RTF1: variants seen among roughly 807,000 people sequenced by gnomAD.
RTF1 encodes the protein RTF1 homolog, Paf1/RNA polymerase II complex component, also known as RNA polymerase-associated protein RTF1 homolog.
A neutral mutation model predicts 95.7 loss-of-function variants in RTF1; 10 were observed. The ratio of observed to expected loss-of-function variants is 0.10; its 90% CI spans 0.06 to 0.18. The LOEUF is 0.18. RTF1 is among the 10% of genes least tolerant of loss of function. RTF1 has a pLI of 1.00. For synonymous variants in RTF1, 305 were observed against 311.8 expected (o/e 0.98, Z 0.23); for missense variants, 458 against 875.6 (o/e 0.52, Z 6.02).
intron 2 of RTF1, among the ~76,000 whole-genome samples, chr15:41,447,799 G>T (rs1335885791): frequency 6.6e-6 from 1 of 152,042 alleles, no homozygotes; most frequent in East Asian, 1.9e-4. Context: ...TCTCATTCTT[G>T]GCTTATGTTT....
rs1249099039 is a variant in RTF1, at chr15:41,477,211, A to G, written c.1607A>G (p.Gln536Arg). ...GATCAGGACAAGGCCAAACAAATCC[A>G]AGATCAACTGAATGAGCTGGAGGAA... ...LGDQDKAKQI[Q>R]DQLNELEERA... Residue 536 changes from glutamine to arginine, a missense_variant, in exon 13 of 18, where the codon CAA (glutamine) becomes CGA (arginine). Around this residue, in one of 11 missense-constraint regions of RTF1, gnomAD observed 150 missense variants for 275.7 expected, o/e 0.54. Coordinates refer to ENST00000389629, the MANE Select transcript of RTF1 (RefSeq NM_015138.5). 6.2e-7 allele frequency: 1 copy of G among 1,614,220 alleles called. No individual in the cohort carries two copies. Among genetic ancestry groups the G allele is most frequent in the South Asian group, 1.1e-5 (1 of 91,082 alleles).
chr15:41,424,669 C>A (rs1272106038), intron 1 of RTF1, among the ~76,000 whole-genome samples: 1 of 152,092 alleles, frequency 6.6e-6, no homozygotes, highest in Non-Finnish European at 1.5e-5. Context: ...TAGATGTATA[C>A]TGGGTTGTGA....
At chr15:41,430,130 C>G (rs1408449220) in intron 1 of RTF1, among the ~76,000 whole-genome samples, 1 of 146,770 alleles carries the variant, frequency 6.8e-6, no homozygotes, top group East Asian at 2.0e-4. Context: ...GCCTCAGCTT[C>G]GTGAGTAGCT....
At position 41,482,149 on chromosome 15, in the gene RTF1, GCATA is replaced by G. The variant is rs2050979847; in HGVS notation, c.*1463_*1466del. 6.6e-6 allele frequency: 1 copy of G among 152,504 alleles called. No individual in the cohort carries two copies. The highest frequency in any genetic ancestry group is 2.4e-5 in the African/African-American group (1 of 41,462). The allele number at this position is 152,504 out of a possible 1,614,324, so 9.4% of individuals were successfully genotyped here. On this transcript the variant is annotated 3_prime_UTR_variant, in exon 18 of 18. Coordinates refer to ENST00000389629, the MANE Select transcript of RTF1 (RefSeq NM_015138.5). ...GTGTGTGTATACATATATATGGTCAGCATATATATTGTGCAGCTAGGGCGAAGCC... is the reference window on the plus strand; with the variant it reads ...GTGTGTGTATACATATATATGGTCAGTATATTGTGCAGCTAGGGCGAAGCC...
chr15:41,460,690 A>T (rs181619587), intron 4 of RTF1, among the ~76,000 whole-genome samples: 60 of 151,440 alleles, frequency 4.0e-4, no homozygotes, highest in African/African-American at 1.4e-3. Context: ...GTGACTTCTT[A>T]AAAAAAAATT....
intron 2 of RTF1, among the ~76,000 whole-genome samples, chr15:41,451,439 G>A (rs1377463753): frequency 6.6e-6 from 1 of 152,164 alleles, no homozygotes; most frequent in Non-Finnish European, 1.5e-5. Context: ...TAATTAAAGT[G>A]CTTGATGAAG....
At chr15:41,459,974 C>A (rs932697468) in intron 4 of RTF1, among the ~76,000 whole-genome samples, 40 of 152,218 alleles carry the variant, frequency 2.6e-4, no homozygotes, top group African/African-American at 8.2e-4. Flanking sequence ...GAAGCATTTT[C>A]TTTGGCAGCA....
chr15:41,425,422 G>T (rs188101932), intron 1 of RTF1, among the ~76,000 whole-genome samples: 67 of 152,160 alleles, frequency 4.4e-4, no homozygotes, highest in Non-Finnish European at 8.2e-4. Context: ...TGTATTTTTA[G>T]TAGAGACTTT....
chr15:41,432,981 G>T (rs895573515), intron 1 of RTF1, among the ~76,000 whole-genome samples: 1 of 151,634 alleles, frequency 6.6e-6, no homozygotes, highest in Non-Finnish European at 1.5e-5. Flanking sequence ...GGTCGGCTGC[G>T]GTGGCTCACA....
chr15:41,445,904 T>G (rs899791911), intron 2 of RTF1, among the ~76,000 whole-genome samples: 4 of 151,880 alleles, frequency 2.6e-5, no homozygotes, highest in African/African-American at 9.7e-5. Flanking sequence ...CCCAGCTAAT[T>G]TTTTTGTATT....
intron 5 of RTF1, among the ~76,000 whole-genome samples, chr15:41,465,090 T>G (rs1245050519): frequency 6.6e-6 from 1 of 151,990 alleles, no homozygotes; most frequent in Admixed American, 6.6e-5. Flanking sequence ...TTTGCTTTCC[T>G]TTTTCCTTTT....
At position 41,419,912 on chromosome 15, in the gene RTF1, T is replaced by A. The variant is rs138612939; in HGVS notation, c.198+2599T>A. Reference sequence around the variant, plus strand: ...TCAACTCACTGCAACCTCCGCCCACTGGGTTCAAGCGATTCTCCTGCTTCA... The same window carrying A: ...TCAACTCACTGCAACCTCCGCCCACAGGGTTCAAGCGATTCTCCTGCTTCA... On this transcript the variant is annotated intron_variant, in intron 1 of 17. Transcript: ENST00000389629. Among the ~76,000 whole-genome samples, 203 of 152,238 alleles carry A rather than the reference T, an allele frequency of 1.3e-3. 1 individual carries two copies. The highest frequency in any genetic ancestry group is 6.4e-3 in the South Asian group (31 of 4,818).
rs1349866660 is a variant in RTF1, at chr15:41,431,461, T to C, written c.199-6860T>C. 2.6e-5 allele frequency among the ~76,000 whole-genome samples: 4 copies of C among 151,322 alleles called. No individual in the cohort carries two copies. The East Asian group carries it at 7.8e-4, about 29-fold the overall frequency. On this transcript the variant is annotated intron_variant, in intron 1 of 17. Coordinates refer to ENST00000389629, the MANE Select transcript of RTF1 (RefSeq NM_015138.5). ...CGAACTGCTGACCTCGTGATCCACCTGCCTCGGCCTCCCAAAGTGCTGGGA... is the reference window on the plus strand; with the variant it reads ...CGAACTGCTGACCTCGTGATCCACCCGCCTCGGCCTCCCAAAGTGCTGGGA...
intron 1 of RTF1, among the ~76,000 whole-genome samples, chr15:41,425,953 G>A (rs957296956): frequency 9.2e-5 from 14 of 152,076 alleles, no homozygotes; most frequent in African/African-American, 3.1e-4. Flanking sequence ...GTGACTATGA[G>A]ATGTCTAAGT....
At chr15:41,470,840 A>G (rs2050907749) in intron 7 of RTF1, among the ~76,000 whole-genome samples, 1 of 151,304 alleles carries the variant, frequency 6.6e-6, no homozygotes, top group Admixed American at 6.6e-5. Flanking sequence ...TTGTATTTTT[A>G]ATAGAGACAG....
intron 2 of RTF1, among the ~76,000 whole-genome samples, chr15:41,441,038 C>T (rs943983769): frequency 7.6e-6 from 1 of 132,154 alleles, no homozygotes; most frequent in Non-Finnish European, 1.5e-5. Context: ...GTGGCGTGAT[C>T]TCGGCTTACT....
At chr15:41,447,199 G>C (rs2050768144) in intron 2 of RTF1, among the ~76,000 whole-genome samples, 1 of 152,126 alleles carries the variant, frequency 6.6e-6, no homozygotes, top group African/African-American at 2.4e-5. Context: ...TCTATGCTGG[G>C]TCCTGAGACC....
intron 16 of RTF1, 41 bp downstream of exon 16, chr15:41,479,239 C>A: frequency 7.2e-7 from 1 of 1,389,506 alleles, no homozygotes; most frequent in South Asian, 1.2e-5. Flanking sequence ...AGTGAGGCTG[C>A]TGGCTGAGAT....
Position 41,483,473 on chromosome 15 carries a change from A to G in RTF1, c.*2786A>G, listed in dbSNP as rs933316296. The G allele has an allele frequency of 6.6e-6, 1 of 151,584 alleles. No homozygotes were observed. Among genetic ancestry groups the G allele is most frequent in the African/African-American group, 2.4e-5 (1 of 41,108 alleles). The allele number at this position is 151,584 out of a possible 1,614,324, so 9.4% of individuals were successfully genotyped here. A position where few individuals can be genotyped will look rare whatever the true frequency, so the allele number is the denominator to read the frequency against. On this transcript the variant is annotated 3_prime_UTR_variant, in exon 18 of 18. Coordinates refer to ENST00000389629, the MANE Select transcript of RTF1 (RefSeq NM_015138.5). The stretch of plus-strand genomic sequence containing the variant: ...AGTCTACTGCCTGCCACTCCCTTCA[A>G]AAAGAATGTTTTTGCTTTTGTGAAG...
Sources: allele counts gnomAD v4.1 joint callset (sites outside exome capture counted in the v4.1 genomes callset), GRCh38; gene constraint gnomAD v4.1.1; regional missense constraint gnomAD v4.1.1; transcripts MANE v1.5; gene names NCBI Gene and HGNC (gene_info 2026-07-23, HGNC 2026-07-21).